The following DDX43 variants were observed in gnomAD, a reference collection of about 807,000 sequenced individuals.
DDX43 encodes the protein probable ATP-dependent RNA helicase DDX43.
Under a neutral mutation model 84.9 loss-of-function variants are expected in DDX43, and 50 were observed. The ratio of observed to expected loss-of-function variants is 0.59; its 90% CI spans 0.47 to 0.75. The LOEUF (loss-of-function observed/expected upper bound fraction) is 0.75. DDX43 is among the 30% of genes least tolerant of loss of function. DDX43 has a pLI of 0.00. For synonymous variants in DDX43, 291 were observed against 266.3 expected (o/e 1.09, Z -0.90); for missense variants, 689 against 798.6 (o/e 0.86, Z 1.65).
rs373436767 is a variant in DDX43, at chr6:73,414,528, C to T, written c.1607-20C>T. 1.9e-6 allele frequency: 3 copies of T among 1,603,624 alleles called. No individual in the cohort carries two copies. In the African/African-American group the frequency reaches 4.0e-5, roughly 22 times the overall value. ...GTTTATACCAGAATGGTTCAGTGTT[C>T]ATTTGGCTTTACTTTTTAGGCAAAG... On this transcript the variant is annotated intron_variant, in intron 13 of 16. Coordinates refer to ENST00000370336, the MANE Select transcript of DDX43 (RefSeq NM_018665.3).
In DDX43 at chr6:73,416,182, A is replaced by G; in HGVS notation, c.1903A>G (p.Arg635Gly). The G allele has an allele frequency of 6.3e-7, 1 of 1,598,822 alleles. No individual in the cohort carries two copies. Among genetic ancestry groups the G allele is most frequent in the South Asian group, 1.1e-5 (1 of 90,700 alleles). Residue 635 changes from arginine to glycine, a missense_variant, in exon 16 of 17, where the codon AGA (arginine) becomes GGA (glycine). Arg to Gly is a moderately radical substitution (Grantham distance 125). This residue lies in a region of DDX43 where 552 missense variants were observed against 692.7 expected (regional missense o/e 0.80). Transcript: ENST00000370336. ...KAHQQKREME[R>G]KMERPQGRPK... ...ACATCAACAGAAAAGGGAAATGGAA[A>G]GAAAAATGGAAAGACCTCAAGGAAG... is the stretch of plus-strand genomic sequence containing the variant.
intron 11 of DDX43, among the ~76,000 whole-genome samples, chr6:73,412,758 T>C (rs1204987419): frequency 6.6e-6 from 1 of 150,544 alleles, no homozygotes; most frequent in African/African-American, 2.4e-5. Flanking sequence ...TGTGTCAGAG[T>C]CTCACTGTAT....
intron 9 of DDX43, 26 bp from the exon 10 acceptor site, chr6:73,409,221 TA>T: frequency 6.3e-7 from 1 of 1,575,004 alleles, no homozygotes; most frequent in Non-Finnish European, 8.7e-7. Flanking sequence ...ATATCTAATC[TA>T]ACCACATTCT....
rs376079543 is a variant in DDX43 at position 73,401,788 on chromosome 6, C to G, written c.437-71C>G. 21 of 1,367,986 alleles carry G rather than the reference C, an allele frequency of 1.5e-5. No individual in the cohort carries two copies. The East Asian group carries it at 2.7e-4, about 18-fold the overall frequency. The allele number at this position is 1,367,986 out of a possible 1,614,324, so 84.7% of individuals were successfully genotyped here. On this transcript the variant is annotated intron_variant, in intron 3 of 16. Transcript: ENST00000370336. ...CTGCACTCCAGCCTGGGGGACAGAG[C>G]GAGACTCCATCTCAAAAAAAAAAAA...
chr6:73,412,688 TGTGCGC>T (rs1769822787), intron 11 of DDX43, among the ~76,000 whole-genome samples: 1 of 115,234 alleles, frequency 8.7e-6, no homozygotes, highest in Non-Finnish European at 1.9e-5. Flanking sequence ...CGTGTGTGTG[TGTGCGC>T]GTGCGTGCGC....
At chr6:73,403,408 T>C (rs1769613990) in intron 4 of DDX43, among the ~76,000 whole-genome samples, 1 of 152,044 alleles carries the variant, frequency 6.6e-6, no homozygotes, top group Non-Finnish European at 1.5e-5. Context: ...AGGTGGAGGT[T>C]GCAGTGAGCC....
Position 73,405,849 on chromosome 6 carries a change from A to G in DDX43, c.807+14A>G, listed in dbSNP as rs1582638207. ...ACACCTATTCAGGTATGCTTTCATT[A>G]ATTACAATATTTCACTCAATGTTTT... On this transcript the variant is annotated intron_variant, in intron 6 of 16. Coordinates refer to ENST00000370336, the MANE Select transcript of DDX43 (RefSeq NM_018665.3). 1.9e-6 allele frequency: 3 copies of G among 1,610,168 alleles called. No individual in the cohort carries two copies. Among genetic ancestry groups the G allele is most frequent in the Non-Finnish European group, 2.5e-6 (3 of 1,177,942 alleles).
chr6:73,407,487 T>A lies in DDX43; in HGVS notation c.927-18T>A. 5 of 1,489,444 alleles carry A rather than the reference T, an allele frequency of 3.4e-6. No homozygotes were observed. The highest frequency in any genetic ancestry group is 1.1e-5 in the South Asian group (1 of 87,114). The allele number at this position is 1,489,444 out of a possible 1,614,324, so 92.3% of individuals were successfully genotyped here. A position where few individuals can be genotyped will look rare whatever the true frequency, so the allele number is the denominator to read the frequency against. ...TCTGAGACAAGTAATTTAATATTAA[T>A]CTGTTTTCTCTCCAAAGCCTTAAAG... On this transcript the variant is annotated intron_variant, in intron 7 of 16. Coordinates refer to ENST00000370336, the MANE Select transcript of DDX43 (RefSeq NM_018665.3).
Position 73,416,353 on chromosome 6 carries a change from A to G in DDX43, c.*25+102A>G. 1.0e-5 allele frequency: 6 copies of G among 594,192 alleles called. No homozygotes were observed. The South Asian group carries it at 1.3e-4, about 13-fold the overall frequency. The allele number at this position is 594,192 out of a possible 1,614,324, so 36.8% of individuals were successfully genotyped here. On this transcript the variant is annotated intron_variant, in intron 16 of 16. Transcript: ENST00000370336. ...TGAGCATGATCTCTAAGTCATTAAC[A>G]TAATAAACTAGGTGTTACTCATATC...
chr6:73,409,152 A>G (rs1013793478), intron 9 of DDX43, 96 bp from the exon 10 acceptor site: 10 of 914,870 alleles, frequency 1.1e-5, no homozygotes, highest in Non-Finnish European at 1.8e-5. Flanking sequence ...GGGAAATGAG[A>G]AAAGCCTTTC....
Position 73,412,476 on chromosome 6 carries a change from C to G in DDX43, c.1368+184C>G, listed in dbSNP as rs556110116. On this transcript the variant is annotated intron_variant, in intron 11 of 16. Transcript: ENST00000370336. ...TCAATAATCAGCTAATACCATCAACCTCTAGTCAGGGCCTATATATGTATA... is the reference window on the plus strand; with the variant it reads ...TCAATAATCAGCTAATACCATCAACGTCTAGTCAGGGCCTATATATGTATA... Among the ~76,000 whole-genome samples the G allele has an allele frequency of 5.2e-4, 79 of 152,122 alleles. 1 individual carries two copies. Among genetic ancestry groups the G allele is most frequent in the African/African-American group, 1.9e-3 (78 of 41,488 alleles).
chr6:73,406,926 T>C (rs1475284167), intron 7 of DDX43: 1 of 153,618 alleles, frequency 6.5e-6, no homozygotes, highest in Non-Finnish European at 1.4e-5. Flanking sequence ...AATCTCTCAG[T>C]AAAGCAATCT....
intron 2 of DDX43, among the ~76,000 whole-genome samples, chr6:73,399,563 G>A (rs1769530515): frequency 6.6e-6 from 1 of 152,120 alleles, no homozygotes; most frequent in Non-Finnish European, 1.5e-5. Flanking sequence ...GAGTTATAGT[G>A]CGTGTAAATA....
At chr6:73,406,527 AT>A in intron 7 of DDX43, 45 bp downstream of exon 7, 1 of 1,203,804 alleles carries the variant, frequency 8.3e-7, no homozygotes, top group Non-Finnish European at 1.2e-6. Context: ...GGTTTAATAG[AT>A]TTAGATATCA....
At chr6:73,410,460 A>C (rs946230773) in intron 10 of DDX43, among the ~76,000 whole-genome samples, 1 of 151,838 alleles carries the variant, frequency 6.6e-6, no homozygotes, top group Non-Finnish European at 1.5e-5. Context: ...CACGATGCCC[A>C]GCCCAAGAAA....
At chr6:73,397,876 C>CA in intron 2 of DDX43, 132 bp downstream of exon 2, 1 of 675,828 alleles carries the variant, frequency 1.5e-6, no homozygotes, top group Non-Finnish European at 2.5e-6. Flanking sequence ...GATATCAGTA[C>CA]AACCTCTGCC....
chr6:73,407,405 C>T, intron 7 of DDX43, 100 bp from the exon 8 acceptor site: 1 of 807,336 alleles, frequency 1.2e-6, no homozygotes, highest in South Asian at 1.6e-5. Flanking sequence ...AGGCGTGAGC[C>T]ACCACGTCTG....
In DDX43 at chr6:73,417,548, C is replaced by T. The variant is rs906282401; in HGVS notation, c.*387C>T. 2.6e-5 allele frequency: 4 copies of T among 152,170 alleles called. No homozygotes were observed. Among genetic ancestry groups the T allele is most frequent in the South Asian group, 2.1e-4 (1 of 4,820 alleles). The allele number at this position is 152,170 out of a possible 1,614,324, so 9.4% of individuals were successfully genotyped here. On this transcript the variant is annotated 3_prime_UTR_variant, in exon 17 of 17. Coordinates refer to ENST00000370336, the MANE Select transcript of DDX43 (RefSeq NM_018665.3). ...TGAAAAAATACTGTTAATAAATGTT[C>T]GTTTCTGTGATAAAAAGACAAGTTG...
At chr6:73,412,830 A>G (rs1384500048) in intron 11 of DDX43, among the ~76,000 whole-genome samples, 2 of 152,038 alleles carry the variant, frequency 1.3e-5, no homozygotes, top group Non-Finnish European at 2.9e-5. Flanking sequence ...TCCTGGGTTC[A>G]AGTGATTCTT....
Sources: allele counts gnomAD v4.1 joint callset (sites outside exome capture counted in the v4.1 genomes callset), GRCh38; gene constraint gnomAD v4.1.1; regional missense constraint gnomAD v4.1.1; transcripts MANE v1.5; gene names NCBI Gene and HGNC (gene_info 2026-07-23, HGNC 2026-07-21).